The following ZNF804A variants were observed in gnomAD, a reference collection of about 807,000 sequenced individuals.
The protein encoded by ZNF804A is zinc finger protein 804A.
ZNF804A carries 2 observed loss-of-function variants against 16.5 expected under a neutral mutation model. The ratio of observed to expected loss-of-function variants is 0.12; its 90% CI spans 0.05 to 0.38. ZNF804A has a LOEUF of 0.38. Among genes scored for constraint, ZNF804A ranks in the 10% least tolerant of loss-of-function variants. The pLI is 0.99. For missense variants in ZNF804A, 1,473 were observed against 1,390.7 expected, an observed-to-expected ratio of 1.06 and a Z score of -0.94; for synonymous variants, 534 against 489.6, an observed-to-expected ratio of 1.09 and a Z score of -1.20.
chr2:184,778,142 T>G (rs1694316540), intron 1 of ZNF804A, among the ~76,000 whole-genome samples: 1 of 151,684 alleles, frequency 6.6e-6, no homozygotes, highest in South Asian at 2.1e-4. Context: ...AAGCTCCTGT[T>G]ATGTCTGATA....
At chr2:184,719,140 G>A (rs997669496) in intron 1 of ZNF804A, among the ~76,000 whole-genome samples, 3 of 152,124 alleles carry the variant, frequency 2.0e-5, no homozygotes, top group Non-Finnish European at 4.4e-5. Context: ...CATGAAAGCT[G>A]CCAAGGCTTG....
Position 184,939,349 on chromosome 2 carries a change from G to T in ZNF804A, c.*323G>T. On this transcript the variant is annotated 3_prime_UTR_variant, in exon 4 of 4. Coordinates refer to ENST00000302277, the MANE Select transcript of ZNF804A (RefSeq NM_194250.2). Reference sequence around the variant, plus strand: ...TTTATGTTGTAAAGTATGCTCCCTTGGTTTTTCTTAATCTTTGTGTATTTG... The same window carrying T: ...TTTATGTTGTAAAGTATGCTCCCTTTGTTTTTCTTAATCTTTGTGTATTTG... The T allele has an allele frequency of 5.5e-6, 1 of 180,860 alleles. No individual in the cohort carries two copies. Among genetic ancestry groups the T allele is most frequent in the Non-Finnish European group, 1.2e-5 (1 of 86,870 alleles). The allele number at this position is 180,860 out of a possible 1,614,324, so 11.2% of individuals were successfully genotyped here. A position where few individuals can be genotyped will look rare whatever the true frequency, so the allele number is the denominator to read the frequency against.
chr2:184,809,891 G>A (rs75473267), intron 1 of ZNF804A, among the ~76,000 whole-genome samples: 6,078 of 151,934 alleles, frequency 0.04, 390 homozygotes, highest in African/African-American at 0.13. Context: ...TATCCCAAAT[G>A]CCATAGCAAA....
intron 1 of ZNF804A, among the ~76,000 whole-genome samples, chr2:184,713,556 C>G (rs1005333874): frequency 2.6e-5 from 4 of 151,910 alleles, no homozygotes; most frequent in Non-Finnish European, 5.9e-5. Context: ...ATATTTTCCT[C>G]TCTAGATCAC....
At chr2:184,695,483 A>G (rs866357134) in intron 1 of ZNF804A, among the ~76,000 whole-genome samples, 1,993 of 150,912 alleles carry the variant, frequency 0.013, 46 homozygotes, top group African/African-American at 0.046. Flanking sequence ...AAAAAAAAAA[A>G]AAAAAAAAAG....
At chr2:184,679,044 C>T (rs1210369654) in intron 1 of ZNF804A, among the ~76,000 whole-genome samples, 1 of 152,042 alleles carries the variant, frequency 6.6e-6, no homozygotes, top group Non-Finnish European at 1.5e-5. Flanking sequence ...ATAAAAGAAA[C>T]ATGTCTAGTG....
intron 1 of ZNF804A, among the ~76,000 whole-genome samples, chr2:184,750,538 T>C (rs1374346909): frequency 6.6e-6 from 1 of 151,290 alleles, no homozygotes; most frequent in African/African-American, 2.4e-5. Context: ...ATACAAAAAT[T>C]GCACATTTTT....
At chr2:184,610,192 G>A (rs971824177) in intron 1 of ZNF804A, among the ~76,000 whole-genome samples, 6 of 152,112 alleles carry the variant, frequency 3.9e-5, no homozygotes, top group South Asian at 2.1e-4. Flanking sequence ...GAGAGTCCCC[G>A]CCAGTAAGAA....
chr2:184,938,524 A>G lies in ZNF804A; in HGVS notation c.3128A>G (p.Lys1043Arg), dbSNP rs1482125304. Residue 1043 changes from lysine (K) to arginine (R), a missense_variant, in exon 4 of 4, where the codon AAA becomes AGA. Physicochemically the swap from Lys to Arg is conservative, Grantham distance 26. Coordinates refer to ENST00000302277, the MANE Select transcript of ZNF804A (RefSeq NM_194250.2). ...TTGATCCCACTAGAAAACCATGACA[A>G]ATTCAAAAATGTACCATGTGAGGTC... ...ALLIPLENHD[K>R]FKNVPCEVYQ... 1.9e-6 allele frequency: 3 copies of G among 1,614,104 alleles called. No individual in the cohort carries two copies. Among genetic ancestry groups the G allele is most frequent in the Non-Finnish European group, 2.5e-6 (3 of 1,180,008 alleles).
chr2:184,659,144 T>C (rs1344028727), intron 1 of ZNF804A, among the ~76,000 whole-genome samples: 1 of 152,206 alleles, frequency 6.6e-6, no homozygotes, highest in Non-Finnish European at 1.5e-5. Flanking sequence ...TGGCTTTTTC[T>C]GGTTCGTCTT....
intron 1 of ZNF804A, among the ~76,000 whole-genome samples, chr2:184,812,403 C>T (rs1183431615): frequency 6.6e-6 from 1 of 151,962 alleles, no homozygotes; most frequent in African/African-American, 2.4e-5. Flanking sequence ...TTTCCCTTTC[C>T]CCTTAATAGT....
chr2:184,721,454 C>G (rs536544576), intron 1 of ZNF804A, among the ~76,000 whole-genome samples: 3 of 151,908 alleles, frequency 2.0e-5, no homozygotes, highest in African/African-American at 7.3e-5. Context: ...ATAAGACATA[C>G]AAACGTCCAA....
At chr2:184,767,239 T>C (rs1212385494) in intron 1 of ZNF804A, among the ~76,000 whole-genome samples, 1 of 152,148 alleles carries the variant, frequency 6.6e-6, no homozygotes, top group Admixed American at 6.6e-5. Flanking sequence ...TAATGGAGTA[T>C]ATGCACACAA....
intron 1 of ZNF804A, among the ~76,000 whole-genome samples, chr2:184,612,484 G>A (rs993033363): frequency 4.6e-5 from 7 of 151,288 alleles, no homozygotes; most frequent in Non-Finnish European, 5.9e-5. Flanking sequence ...TGTTGCCCAG[G>A]CTGGAGTGCA....
At chr2:184,679,553 A>C (rs914493394) in intron 1 of ZNF804A, among the ~76,000 whole-genome samples, 1 of 152,174 alleles carries the variant, frequency 6.6e-6, no homozygotes, top group Non-Finnish European at 1.5e-5. Flanking sequence ...CTCTGCCTCC[A>C]CAGGCTTGGA....
rs771959462 is a variant in ZNF804A at position 184,938,012 on chromosome 2, A to G, written c.2616A>G (p.Thr872=). 1 of 1,613,984 alleles carries G rather than the reference A, an allele frequency of 6.2e-7. No individual in the cohort carries two copies. Among genetic ancestry groups the G allele is most frequent in the Non-Finnish European group, 8.5e-7 (1 of 1,180,036 alleles). The part of the protein sequence containing the change: ...VAKIERNSEQ[T]NQLRNKLSFH... ...AAATCGAAAGGAACTCAGAACAAAC[A>G]AACCAATTAAGAAACAAACTGTCTT... Residue 872 remains threonine, a synonymous_variant, in exon 4 of 4, where the codon ACA becomes ACG. Transcript: ENST00000302277.
At chr2:184,705,445 T>C (rs1307238189) in intron 1 of ZNF804A, among the ~76,000 whole-genome samples, 2 of 152,202 alleles carry the variant, frequency 1.3e-5, no homozygotes, top group Non-Finnish European at 2.9e-5. Flanking sequence ...ATCGTGTATA[T>C]GAAGAGTGTA....
At chr2:184,894,176 T>C (rs1685030966) in intron 2 of ZNF804A, among the ~76,000 whole-genome samples, 1 of 152,168 alleles carries the variant, frequency 6.6e-6, no homozygotes, top group Non-Finnish European at 1.5e-5. Flanking sequence ...CAGTTACTGA[T>C]GCTATAAATA....
rs186840906 is a variant in ZNF804A at position 184,784,131 on chromosome 2, C to T, written c.112-82238C>T. On this transcript the variant is annotated intron_variant, in intron 1 of 3. Transcript: ENST00000302277. Reference sequence around the variant, plus strand: ...CACAAATGAAAAGGTGCTCATGAATCACTGTGCTTCATGTTTTAGGTGGGG... The same window carrying T: ...CACAAATGAAAAGGTGCTCATGAATTACTGTGCTTCATGTTTTAGGTGGGG... 2.6e-3 allele frequency among the ~76,000 whole-genome samples: 402 copies of T among 151,914 alleles called. 2 individuals are homozygous for T. Among genetic ancestry groups the T allele is most frequent in the African/African-American group, 9.2e-3 (383 of 41,486 alleles).
Sources: gnomAD v4.1 joint callset for allele counts (sites outside exome capture counted in the v4.1 genomes callset) on GRCh38, gnomAD v4.1.1 for gene constraint, MANE v1.5 for transcripts, NCBI Gene and HGNC (gene_info 2026-07-23, HGNC 2026-07-21) for gene names.